The following GPR149 variants were observed in gnomAD, a reference collection of about 807,000 sequenced individuals.
GPR149 encodes the protein probable G protein-coupled receptor 149.
In GPR149, 50 loss-of-function variants were observed where a neutral mutation model predicts 50.2. That is an observed-to-expected ratio of 1.00 (90% CI 0.79 to 1.26). GPR149 has a LOEUF of 1.26. Ranked by LOEUF, GPR149 falls within the 50% of genes most tolerant of loss-of-function variation. The pLI, the probability that GPR149 is intolerant of heterozygous loss-of-function variation, is 0.00. For missense variants in GPR149, 983 were observed against 895.4 expected (o/e 1.10, Z -1.25); for synonymous variants, 405 against 358.2 (o/e 1.13, Z -1.48).
At chr3:154,408,442 G>T (rs1481511127) in intron 3 of GPR149, among the ~76,000 whole-genome samples, 2 of 152,162 alleles carry the variant, frequency 1.3e-5, no homozygotes, top group Non-Finnish European at 2.9e-5. Flanking sequence ...TCTCAGCCTG[G>T]TCACTGGCTG....
chr3:154,368,754 G>A lies in GPR149; in HGVS notation c.1624-30483C>T, dbSNP rs527455297. 5.9e-5 allele frequency among the ~76,000 whole-genome samples: 9 copies of A among 152,334 alleles called. No individual in the cohort carries two copies. In the East Asian group the frequency reaches 7.7e-4, roughly 13 times the overall value. On this transcript the variant is annotated intron_variant, in intron 3 of 3. Coordinates refer to ENST00000389740, the MANE Select transcript of GPR149 (RefSeq NM_001038705.3). ...CAGCTGTTCTCTCAGCCCTGGCCTA[G>A]AAGACATCTACCACCCCTTTATGCT...
intron 3 of GPR149, among the ~76,000 whole-genome samples, chr3:154,354,456 C>G (rs1422730529): frequency 2.6e-5 from 4 of 152,058 alleles, no homozygotes; most frequent in Non-Finnish European, 4.4e-5. Flanking sequence ...GCCACCTTAG[C>G]CTCTTCAGCT....
At chr3:154,342,402 ATTATT>A (rs1299597464) in intron 3 of GPR149, among the ~76,000 whole-genome samples, 1 of 152,148 alleles carries the variant, frequency 6.6e-6, no homozygotes, top group Non-Finnish European at 1.5e-5. Context: ...AATTTGACCA[ATTATT>A]TTATTTTATT....
chr3:154,340,973 G>A (rs1211075452), intron 3 of GPR149, among the ~76,000 whole-genome samples: 1 of 152,074 alleles, frequency 6.6e-6, no homozygotes, highest in Non-Finnish European at 1.5e-5. Flanking sequence ...CCCTGCCTCG[G>A]CCTCCCAAAG....
intron 3 of GPR149, chr3:154,352,703 A>G (rs1347580570): frequency 7.7e-6 from 6 of 782,686 alleles, no homozygotes; most frequent in Admixed American, 1.7e-5. Context: ...GCTGATGGTC[A>G]GAAAAAATCA....
chr3:154,344,854 T>A (rs77977602), intron 3 of GPR149, among the ~76,000 whole-genome samples: 2,765 of 152,312 alleles, frequency 0.018, 67 homozygotes, highest in African/African-American at 0.062. Flanking sequence ...CAAATTTTTG[T>A]TGTTTTCAAC....
At chr3:154,407,693 T>TACACATACACACACACACACACAC (rs1553766400) in intron 3 of GPR149, among the ~76,000 whole-genome samples, 1 of 139,978 alleles carries the variant, frequency 7.1e-6, no homozygotes, top group African/African-American at 2.8e-5. Context: ...GTCATGTGTA[T>TACACATACACACACACACACACAC]ACACACACAC....
At chr3:154,426,871 CGTGTGTGT>C (rs61087162) in intron 2 of GPR149, among the ~76,000 whole-genome samples, 49,573 of 144,290 alleles carry the variant, frequency 0.34, 8,476 homozygotes, top group Middle Eastern at 0.39. Context: ...TGGACCAGGG[CGTGTGTGT>C]GTGTGTGTGT....
At chr3:154,357,397 C>T (rs1576903884) in intron 3 of GPR149, among the ~76,000 whole-genome samples, 2 of 151,948 alleles carry the variant, frequency 1.3e-5, no homozygotes, top group African/African-American at 4.8e-5. Flanking sequence ...GAACAGGCAA[C>T]CTACAAAATG....
At chr3:154,352,458 C>A (rs1257243112) in intron 3 of GPR149, 4 of 805,032 alleles carry the variant, frequency 5.0e-6, no homozygotes, top group Non-Finnish European at 6.7e-6. Flanking sequence ...AAAGCAAACA[C>A]CCATATTTCC....
intron 3 of GPR149, among the ~76,000 whole-genome samples, chr3:154,343,052 G>A (rs950171521): frequency 1.3e-5 from 2 of 152,204 alleles, no homozygotes; most frequent in African/African-American, 4.8e-5. Context: ...TTGAATAGAT[G>A]AGGTAAGGCT....
chr3:154,393,375 A>G (rs1230153699), intron 3 of GPR149, among the ~76,000 whole-genome samples: 1 of 152,088 alleles, frequency 6.6e-6, no homozygotes, highest in East Asian at 1.9e-4. Flanking sequence ...TTAAAATTCA[A>G]CATCCTTTCA....
At chr3:154,397,882 C>A (rs1020066854) in intron 3 of GPR149, among the ~76,000 whole-genome samples, 3 of 151,866 alleles carry the variant, frequency 2.0e-5, no homozygotes, top group African/African-American at 7.3e-5. Context: ...AAATGTTAAC[C>A]AACATTTATA....
intron 3 of GPR149, among the ~76,000 whole-genome samples, chr3:154,370,154 C>T (rs1279650076): frequency 2.0e-5 from 3 of 152,192 alleles, no homozygotes; most frequent in Non-Finnish European, 2.9e-5. Context: ...AGAAAGCACA[C>T]CTCCCTAACT....
chr3:154,375,606 G>C (rs925627305), intron 3 of GPR149, among the ~76,000 whole-genome samples: 4 of 152,118 alleles, frequency 2.6e-5, no homozygotes, highest in African/African-American at 9.7e-5. Context: ...TTTAACAGAT[G>C]AATTATGTTG....
intron 3 of GPR149, among the ~76,000 whole-genome samples, chr3:154,403,524 T>A (rs6762395): frequency 0.05 from 7,647 of 152,272 alleles, 628 homozygotes; most frequent in African/African-American, 0.17. Flanking sequence ...TCAAGGGGCT[T>A]GAAAGCATAT....
At chr3:154,361,592 G>T (rs1471727255) in intron 3 of GPR149, among the ~76,000 whole-genome samples, 1 of 152,050 alleles carries the variant, frequency 6.6e-6, no homozygotes, top group East Asian at 1.9e-4. Context: ...AATTTGTGAT[G>T]CTCCAAAGCT....
intron 3 of GPR149, among the ~76,000 whole-genome samples, chr3:154,385,409 A>T (rs1715023494): frequency 6.6e-6 from 1 of 152,198 alleles, no homozygotes; most frequent in South Asian, 2.1e-4. Flanking sequence ...AATGTTTTGT[A>T]AAATTCCAAT....
chr3:154,378,520 A>AT (rs1278055480), intron 3 of GPR149, among the ~76,000 whole-genome samples: 2 of 151,868 alleles, frequency 1.3e-5, no homozygotes, highest in Non-Finnish European at 1.5e-5. Context: ...CATGTTTTTA[A>AT]TTTTTTTTGG....
Sources: gnomAD v4.1 joint callset for allele counts (sites outside exome capture counted in the v4.1 genomes callset) on GRCh38, gnomAD v4.1.1 for gene constraint, MANE v1.5 for transcripts, NCBI Gene and HGNC (gene_info 2026-07-23, HGNC 2026-07-21) for gene names.